The following SLC2A9 variants were observed in gnomAD, a reference collection of about 807,000 sequenced individuals.
SLC2A9 encodes solute carrier family 2 member 9, also known as solute carrier family 2, facilitated glucose transporter member 9.
A neutral mutation model predicts 50.6 loss-of-function variants in SLC2A9; 39 were observed. That is an observed-to-expected ratio of 0.77 (90% confidence interval 0.60 to 1.01). The LOEUF (loss-of-function observed/expected upper bound fraction) is 1.01. Among genes scored for constraint, SLC2A9 ranks in the 50% least tolerant of loss-of-function variants. The probability of loss-of-function intolerance (pLI) is 0.00; values close to 1 mark genes in which losing one functional copy is unlikely to be tolerated. For synonymous variants in SLC2A9, 324 were observed against 276.9 expected (o/e 1.17, Z -1.69); for missense variants, 686 against 677.6 (o/e 1.01, Z -0.14).
intron 11 of SLC2A9, among the ~76,000 whole-genome samples, chr4:9,832,603 A>C (rs1477069432): frequency 6.6e-6 from 1 of 152,228 alleles, no homozygotes; most frequent in African/African-American, 2.4e-5. Context: ...ATTTGTTTCG[A>C]AAATGCCCAC....
intron 10 of SLC2A9, among the ~76,000 whole-genome samples, chr4:9,866,901 C>T (rs774133324): frequency 6.6e-6 from 1 of 152,228 alleles, no homozygotes; most frequent in Non-Finnish European, 1.5e-5. Flanking sequence ...TCTGAGCTCA[C>T]AGTCCTCCCC....
At chr4:9,776,365 T>C (rs1247380030), downstream of SLC2A9, among the ~76,000 whole-genome samples, 1 of 152,048 alleles carries the variant, frequency 6.6e-6, no homozygotes, top group Non-Finnish European at 1.5e-5. Context: ...TTCTCGCCAC[T>C]GATATTCAGC....
intron 8 of SLC2A9, among the ~76,000 whole-genome samples, chr4:9,898,222 G>A (rs1252342882): frequency 3.9e-5 from 6 of 152,166 alleles, no homozygotes; most frequent in African/African-American, 1.4e-4. Context: ...GGCAGGGCTT[G>A]TAATGTTGCC....
chr4:9,876,572 CAG>C (rs1448315419), intron 10 of SLC2A9, among the ~76,000 whole-genome samples: 1 of 152,072 alleles, frequency 6.6e-6, no homozygotes, highest in Non-Finnish European at 1.5e-5. Context: ...GCCTGGGTGA[CAG>C]AGCGAGACCC....
intron 1 of SLC2A9, among the ~76,000 whole-genome samples, chr4:10,027,296 G>A (rs1266259922): frequency 6.6e-6 from 1 of 152,100 alleles, no homozygotes; most frequent in Non-Finnish European, 1.5e-5. Flanking sequence ...AAATGCTGCT[G>A]AATTGTTTAC....
intron 5 of SLC2A9, among the ~76,000 whole-genome samples, chr4:9,972,884 GGA>G (rs1398044713): frequency 6.6e-6 from 1 of 152,056 alleles, no homozygotes; most frequent in African/African-American, 2.4e-5. Flanking sequence ...CACTCCTAGA[GGA>G]AGTAGAAAAA....
intron 6 of SLC2A9, among the ~76,000 whole-genome samples, chr4:9,931,912 GACTCTCTCTCTCTCTCTC>G (rs1746002886): frequency 2.3e-5 from 1 of 44,202 alleles, no homozygotes; most frequent in Non-Finnish European, 4.3e-5. Flanking sequence ...AAATGAGAAT[GACTCTCTCTCTCTCTCTC>G]TCTCTCTCTC....
At chr4:9,899,511 A>T (rs1739208346) in intron 8 of SLC2A9, among the ~76,000 whole-genome samples, 6 of 152,236 alleles carry the variant, frequency 3.9e-5, no homozygotes, top group Admixed American at 3.9e-4. Context: ...ATTGCAAGTT[A>T]GTGAAATTTT....
chr4:9,925,437 G>A (rs1203834353), intron 6 of SLC2A9, among the ~76,000 whole-genome samples: 1 of 152,210 alleles, frequency 6.6e-6, no homozygotes, highest in Non-Finnish European at 1.5e-5. Flanking sequence ...AAGGGATGCT[G>A]TGTTACTGTG....
Position 9,854,567 on chromosome 4 carries a change from C to T in SLC2A9, c.1292-19559G>A, listed in dbSNP as rs112457333. On this transcript the variant is annotated intron_variant, in intron 10 of 11. Transcript: ENST00000264784. ...GGTACTATTCCTACCAAAACTATTC[C>T]AAAAAATTGAGAAGGATGGAATCCC... Among the ~76,000 whole-genome samples the T allele has an allele frequency of 6.0e-3, 906 of 152,242 alleles. 8 individuals are homozygous for T. The highest frequency in any genetic ancestry group is 0.021 in the African/African-American group (854 of 41,518).
intron 10 of SLC2A9, among the ~76,000 whole-genome samples, chr4:9,869,477 C>T (rs777334266): frequency 1.3e-5 from 2 of 152,198 alleles, no homozygotes; most frequent in Non-Finnish European, 2.9e-5. Flanking sequence ...CTGTGCTCCT[C>T]CTTCCTCTTA....
rs75251985 is a variant in SLC2A9 at position 10,031,738 on chromosome 4, G to A, written c.-40-5732C>T. On this transcript the variant is annotated intron_variant, in intron 1 of 12. Transcript: ENST00000309065. Reference sequence around the variant, plus strand: ...CCTGCCTTGTGGAAATCAGGAAACCGAGACTGAGTGAAGCAGCCAGTTAGC... The same window carrying A: ...CCTGCCTTGTGGAAATCAGGAAACCAAGACTGAGTGAAGCAGCCAGTTAGC... Among the ~76,000 whole-genome samples, 737 of 152,366 alleles carry A rather than the reference G, an allele frequency of 4.8e-3. 7 individuals are homozygous for A. Among genetic ancestry groups the A allele is most frequent in the African/African-American group, 0.016 (680 of 41,588 alleles).
intron 6 of SLC2A9, among the ~76,000 whole-genome samples, chr4:9,934,722 C>T (rs1447511218): frequency 6.6e-6 from 1 of 152,178 alleles, no homozygotes. Flanking sequence ...TAAACATCTG[C>T]CATGGCGGTT....
chr4:9,775,445 G>A (rs1207966829), downstream of SLC2A9, among the ~76,000 whole-genome samples: 9 of 152,096 alleles, frequency 5.9e-5, 1 homozygote, highest in Non-Finnish European at 1.2e-4. Flanking sequence ...TCCAGGGAAG[G>A]CCCTCTGATA....
intron 1 of SLC2A9, among the ~76,000 whole-genome samples, chr4:10,020,690 A>G (rs1763397971): frequency 6.6e-6 from 1 of 152,162 alleles, no homozygotes; most frequent in African/African-American, 2.4e-5. Context: ...TGTGCTGGGC[A>G]TCGTTTCTGT....
intron 3 of SLC2A9, among the ~76,000 whole-genome samples, chr4:9,793,661 C>T (rs1287150921): frequency 6.6e-6 from 1 of 152,142 alleles, no homozygotes; most frequent in Non-Finnish European, 1.5e-5. Flanking sequence ...GGAGGCAAAA[C>T]AGCATTTCAA....
chr4:9,868,379 A>G lies in SLC2A9; in HGVS notation c.1291+19188T>C, dbSNP rs542496051. Among the ~76,000 whole-genome samples, 3 of 152,320 alleles carry G rather than the reference A, an allele frequency of 2.0e-5. No homozygotes were observed. In the South Asian group the frequency reaches 6.2e-4, roughly 32 times the overall value. The stretch of plus-strand genomic sequence containing the variant: ...CCTTGGGCAGGTGGCCCATCATGTA[A>G]TTAGAAGCCAGGTGACCTGATAATA... On this transcript the variant is annotated intron_variant, in intron 10 of 11. Coordinates refer to ENST00000264784, the MANE Select transcript of SLC2A9 (RefSeq NM_020041.3).
Position 10,018,972 on chromosome 4 carries a change from C to T in SLC2A9, c.249+3G>A. 1 of 1,549,500 alleles carries T rather than the reference C, an allele frequency of 6.5e-7. No homozygotes were observed. Among genetic ancestry groups the T allele is most frequent in the Non-Finnish European group, 8.7e-7 (1 of 1,146,802 alleles). The stretch of plus-strand genomic sequence containing the variant: ...CCTCTGCCGGGCCTTGGCGCGCACT[C>T]ACCGGGGTGGGGGCATTCACCACCG... On this transcript the variant is annotated splice_donor_region_variant and intron_variant, in intron 2 of 11. Transcript: ENST00000264784.
intron 8 of SLC2A9, among the ~76,000 whole-genome samples, chr4:9,892,654 C>T (rs191071035): frequency 1.1e-4 from 17 of 152,106 alleles, no homozygotes; most frequent in East Asian, 3.8e-4. Flanking sequence ...TGAGATAAAG[C>T]GAAAGAACTC....
Sources: gnomAD v4.1 joint callset for allele counts (sites outside exome capture counted in the v4.1 genomes callset) on GRCh38, gnomAD v4.1.1 for gene constraint, MANE v1.5 for transcripts, NCBI Gene and HGNC (gene_info 2026-07-23, HGNC 2026-07-21) for gene names.